Variants in NRG3 observed in about 807,000 individuals in gnomAD.
NRG3 encodes neuregulin 3.
In NRG3, 31 loss-of-function variants were observed where a neutral mutation model predicts 66.9. The ratio of observed to expected loss-of-function variants is 0.46; its 90% CI spans 0.35 to 0.63. NRG3 has a LOEUF of 0.63. NRG3 is among the 20% of genes least tolerant of loss of function. NRG3 has a pLI of 0.00. For synonymous variants in NRG3, 393 were observed against 359.4 expected, an observed-to-expected ratio of 1.09 and a Z score of -1.06; for missense variants, 910 against 878.9, an observed-to-expected ratio of 1.04 and a Z score of -0.45.
At chr10:82,277,864 T>C (rs1235555006) in intron 1 of NRG3, among the ~76,000 whole-genome samples, 2 of 152,132 alleles carry the variant, frequency 1.3e-5, no homozygotes, top group African/African-American at 4.8e-5. Context: ...AGTATCCCTC[T>C]GAGGGAAGCA....
chr10:81,974,538 A>G (rs2060046801), intron 1 of NRG3, among the ~76,000 whole-genome samples: 1 of 152,128 alleles, frequency 6.6e-6, no homozygotes, highest in Non-Finnish European at 1.5e-5. Flanking sequence ...AGGGCTCTTT[A>G]TGGGATAAAG....
chr10:82,241,991 C>T (rs183888724), intron 1 of NRG3, among the ~76,000 whole-genome samples: 1 of 152,202 alleles, frequency 6.6e-6, no homozygotes, highest in Non-Finnish European at 1.5e-5. Flanking sequence ...CTGGTTGATA[C>T]AGTTTATATT....
chr10:82,876,651 A>G (rs184514002), intron 4 of NRG3, among the ~76,000 whole-genome samples: 10 of 152,324 alleles, frequency 6.6e-5, no homozygotes, highest in African/African-American at 1.9e-4. Flanking sequence ...AGTTGGTAGT[A>G]GGTTCTGAAA....
At chr10:82,187,890 TACTC>T (rs2133308111) in intron 1 of NRG3, among the ~76,000 whole-genome samples, 1 of 151,990 alleles carries the variant, frequency 6.6e-6, no homozygotes, top group Non-Finnish European at 1.5e-5. Flanking sequence ...GCCTTTGAAA[TACTC>T]AAAGAACTCT....
intron 2 of NRG3, among the ~76,000 whole-genome samples, chr10:82,729,041 A>C (rs1184706248): frequency 1.3e-5 from 2 of 152,086 alleles, no homozygotes; most frequent in East Asian, 1.9e-4. Context: ...CTAAATCAAG[A>C]TTCAGTAACC....
chr10:82,974,340 G>T (rs1852046997), intron 7 of NRG3, among the ~76,000 whole-genome samples: 1 of 152,160 alleles, frequency 6.6e-6, no homozygotes, highest in African/African-American at 2.4e-5. Flanking sequence ...AAGAAGCCTG[G>T]TGAATCTTCT....
chr10:82,101,315 T>C (rs995214215), intron 1 of NRG3, among the ~76,000 whole-genome samples: 4 of 151,886 alleles, frequency 2.6e-5, no homozygotes, highest in Non-Finnish European at 5.9e-5. Context: ...AGTTTTCTAT[T>C]TCAGTAATAT....
At chr10:82,392,191 C>G (rs2086419951) in intron 2 of NRG3, among the ~76,000 whole-genome samples, 1 of 152,068 alleles carries the variant, frequency 6.6e-6, no homozygotes, top group African/African-American at 2.4e-5. Context: ...CAATGTATTG[C>G]CTAGATTCCT....
intron 1 of NRG3, among the ~76,000 whole-genome samples, chr10:82,049,356 A>G (rs927829221): frequency 2.6e-5 from 4 of 152,076 alleles, no homozygotes; most frequent in African/African-American, 7.2e-5. Context: ...TAGTTTCTAT[A>G]TAACACTCCT....
At chr10:82,764,477 C>A (rs917698948) in intron 3 of NRG3, among the ~76,000 whole-genome samples, 10 of 151,694 alleles carry the variant, frequency 6.6e-5, no homozygotes, top group African/African-American at 2.4e-4. Context: ...ATTCTCCTGC[C>A]TCAGCCTCCC....
chr10:82,365,527 A>G (rs1361278182), intron 2 of NRG3, among the ~76,000 whole-genome samples: 1 of 152,214 alleles, frequency 6.6e-6, no homozygotes, highest in African/African-American at 2.4e-5. Context: ...CTCTCTGTGG[A>G]CATAGCTTGT....
chr10:82,644,064 T>C (rs1183544605), intron 2 of NRG3, among the ~76,000 whole-genome samples: 1 of 152,176 alleles, frequency 6.6e-6, no homozygotes, highest in East Asian at 1.9e-4. Context: ...GGTCTGTTTC[T>C]ACAGCAATAA....
At chr10:82,087,167 G>A (rs1439781756) in intron 1 of NRG3, among the ~76,000 whole-genome samples, 2 of 152,116 alleles carry the variant, frequency 1.3e-5, no homozygotes, top group Admixed American at 1.3e-4. Flanking sequence ...AGGAGGACAG[G>A]CTGGTGGTTT....
At chr10:82,112,029 G>A (rs935332456) in intron 1 of NRG3, among the ~76,000 whole-genome samples, 7 of 152,088 alleles carry the variant, frequency 4.6e-5, no homozygotes, top group African/African-American at 1.7e-4. Context: ...GATCACTTGA[G>A]ACCAGGAGTT....
chr10:82,071,186 A>C (rs1161487557), intron 1 of NRG3, among the ~76,000 whole-genome samples: 1 of 152,170 alleles, frequency 6.6e-6, no homozygotes, highest in Non-Finnish European at 1.5e-5. Flanking sequence ...TTGGGTACCC[A>C]TGAAGACACA....
chr10:82,810,960 C>T (rs750623900), intron 3 of NRG3, among the ~76,000 whole-genome samples: 1 of 152,054 alleles, frequency 6.6e-6, no homozygotes, highest in African/African-American at 2.4e-5. Flanking sequence ...TACTACTGCC[C>T]TACTATGGAG....
intron 1 of NRG3, among the ~76,000 whole-genome samples, chr10:82,357,712 G>A (rs1203486153): frequency 6.6e-6 from 1 of 152,092 alleles, no homozygotes; most frequent in Non-Finnish European, 1.5e-5. Flanking sequence ...CTCCCAAAGG[G>A]CCCCATCTTC....
intron 2 of NRG3, among the ~76,000 whole-genome samples, chr10:82,365,811 C>G (rs759736936): frequency 6.6e-6 from 1 of 152,084 alleles, no homozygotes; most frequent in Non-Finnish European, 1.5e-5. Flanking sequence ...AGTTATTAGC[C>G]AAAGATTACT....
In NRG3 at chr10:82,985,182, T is replaced by A; in HGVS notation, c.1668T>A (p.Asn556Lys). The A allele has an allele frequency of 6.2e-7, 1 of 1,614,106 alleles. No homozygotes were observed. Among genetic ancestry groups the A allele is most frequent in the Non-Finnish European group, 8.5e-7 (1 of 1,179,994 alleles). ...CAAGAGAGACAAACCCCTATTTTAA[T>A]AGCTTGGAGCAAAAGGACCTGGTGG... Reference protein sequence around the residue: ...LPSRETNPYFNSLEQKDLVGY... With the variant: ...LPSRETNPYFKSLEQKDLVGY... Residue 556 changes from asparagine (N) to lysine (K), a missense_variant, in exon 9 of 9, where the codon AAT (asparagine) becomes AAA (lysine). Coordinates refer to ENST00000372141, the MANE Select transcript of NRG3 (RefSeq NM_001010848.4).
Sources: gnomAD v4.1 joint callset for allele counts (sites outside exome capture counted in the v4.1 genomes callset) on GRCh38, gnomAD v4.1.1 for gene constraint, MANE v1.5 for transcripts, NCBI Gene and HGNC (gene_info 2026-07-23, HGNC 2026-07-21) for gene names.